The following RAB5B variants were observed in gnomAD, a reference collection of about 807,000 sequenced individuals.
RAB5B encodes ras-related protein Rab-5B.
Under a neutral mutation model 28.6 loss-of-function variants are expected in RAB5B, and 11 were observed. The ratio of observed to expected loss-of-function variants is 0.38; its 90% confidence interval spans 0.24 to 0.64. RAB5B has a LOEUF of 0.64. Ranked by LOEUF, RAB5B falls within the 30% of genes least tolerant of loss-of-function variation. The pLI is 0.53. For synonymous variants in RAB5B, 93 were observed against 97.9 expected (o/e 0.95, Z 0.29); for missense variants, 169 against 265.6 (o/e 0.64, Z 2.53).
chr12:55,980,999 A>G, intron 1 of RAB5B: 1 of 1,614,150 alleles, frequency 6.2e-7, no homozygotes, highest in Admixed American at 1.7e-5. Flanking sequence ...CCCGATCAGC[A>G]GCAACTTGAA....
At chr12:55,977,128 C>T (rs942720552) in intron 1 of RAB5B, among the ~76,000 whole-genome samples, 11 of 152,228 alleles carry the variant, frequency 7.2e-5, no homozygotes, top group Non-Finnish European at 1.6e-4. Context: ...GCGTGCACCA[C>T]CACGACCAGC....
At chr12:55,980,101 A>T (rs1208718955) in intron 1 of RAB5B, among the ~76,000 whole-genome samples, 2 of 152,070 alleles carry the variant, frequency 1.3e-5, no homozygotes, top group African/African-American at 4.8e-5. Context: ...TAACAGAATA[A>T]ATCAGTGTAT....
At chr12:55,990,566 T>A in intron 3 of RAB5B, 116 bp from the exon 4 acceptor site, 2 of 1,285,530 alleles carry the variant, frequency 1.6e-6, no homozygotes, top group Non-Finnish European at 2.2e-6. Flanking sequence ...CAGAGACCTG[T>A]GGTTTCACTG....
intron 1 of RAB5B, among the ~76,000 whole-genome samples, chr12:55,978,396 C>T (rs960388849): frequency 2.0e-5 from 3 of 151,740 alleles, no homozygotes; most frequent in Admixed American, 6.6e-5. Context: ...CCCAGCTTCT[C>T]GGGAGGCTGA....
chr12:55,988,114 A>C (rs971063896), intron 2 of RAB5B, among the ~76,000 whole-genome samples: 2 of 152,098 alleles, frequency 1.3e-5, no homozygotes, highest in Non-Finnish European at 2.9e-5. Flanking sequence ...GCGCCATTGC[A>C]CTCCAGCCTG....
chr12:55,981,155 C>G (rs934339150), intron 1 of RAB5B: 1 of 827,584 alleles, frequency 1.2e-6, no homozygotes, highest in Admixed American at 2.4e-5. Context: ...CCTCTGCCTC[C>G]CAGGTTCAAG....
intron 3 of RAB5B, 120 bp from the exon 4 acceptor site, chr12:55,990,562 C>A (rs1299951434): frequency 1.1e-5 from 14 of 1,241,110 alleles, no homozygotes; most frequent in Non-Finnish European, 1.6e-5. Context: ...TTATCAGAGA[C>A]CTGTGGTTTC....
rs192248641 is a variant in RAB5B, at chr12:55,981,133, G to A, written c.-92-5736G>A. On this transcript the variant is annotated intron_variant, in intron 1 of 5. Transcript: ENST00000360299. ...GGCTGGAGTGCAGTCGTGTGATCTCGGCTCACTGCTACCTCTGCCTCCCAG... is the reference window on the plus strand; with the variant it reads ...GGCTGGAGTGCAGTCGTGTGATCTCAGCTCACTGCTACCTCTGCCTCCCAG... 4.2e-3 allele frequency: 4,218 copies of A among 1,009,062 alleles called. 25 individuals are homozygous for A. Among genetic ancestry groups the A allele is most frequent in the South Asian group, 0.014 (918 of 67,500 alleles). 62.5% of individuals were successfully genotyped at this position (1,009,062 alleles called of 1,614,324 possible).
chr12:55,980,338 C>T (rs758195425), intron 1 of RAB5B: 248 of 1,081,610 alleles, frequency 2.3e-4, no homozygotes, highest in Non-Finnish European at 3.3e-4. Context: ...CTCCAAGCCC[C>T]TCTGCTATTT....
Position 55,986,853 on chromosome 12 carries a change from CTT to C in RAB5B, c.-92-9_-92-8del, listed in dbSNP as rs762516437. ...ATGGACGTATGTTTAATTTTATTCA[CTT>C]TTTTTTCTTGCAGGAGTGTTGAAGC... is the stretch of plus-strand genomic sequence containing the variant. On this transcript the variant is annotated splice_polypyrimidine_tract_variant and intron_variant, in intron 1 of 5. Coordinates refer to ENST00000360299, the MANE Select transcript of RAB5B (RefSeq NM_002868.4). 9.4e-6 allele frequency: 8 copies of C among 851,372 alleles called. No homozygotes were observed. Among genetic ancestry groups the C allele is most frequent in the African/African-American group, 3.4e-5 (2 of 58,330 alleles). 52.7% of individuals were successfully genotyped at this position (851,372 alleles called of 1,614,324 possible). A position where few individuals can be genotyped will look rare whatever the true frequency, so the allele number is the denominator to read the frequency against.
chr12:55,992,677 C>T lies in RAB5B; in HGVS notation c.*465C>T. ...ACCCAGGAACTGAGGAAGGAGGTTT[C>T]CAGTTCATTTACATTAAGGGCCCTG... On this transcript the variant is annotated 3_prime_UTR_variant, in exon 6 of 6. Transcript: ENST00000360299. 2.6e-6 allele frequency: 1 copy of T among 390,602 alleles called. No individual in the cohort carries two copies. Among genetic ancestry groups the T allele is most frequent in the Middle Eastern group, 3.5e-4 (1 of 2,818 alleles). The allele number at this position is 390,602 out of a possible 1,614,324, so 24.2% of individuals were successfully genotyped here.
chr12:55,989,463 C>T (rs536784295), intron 2 of RAB5B, among the ~76,000 whole-genome samples: 4 of 151,376 alleles, frequency 2.6e-5, no homozygotes, highest in South Asian at 2.1e-4. Context: ...TTAGTAGAGA[C>T]GGGTTTTGCC....
At chr12:55,977,274 C>T (rs1381992863) in intron 1 of RAB5B, among the ~76,000 whole-genome samples, 11 of 126,178 alleles carry the variant, frequency 8.7e-5, no homozygotes, top group Non-Finnish European at 1.4e-4. Context: ...CGCGCCTGGC[C>T]GTGTGTGCGT....
rs569704824 is a variant in RAB5B, at chr12:55,989,258, CTT to C, written c.164-686_164-685del. Among the ~76,000 whole-genome samples the C allele has an allele frequency of 1.6e-4, 24 of 151,032 alleles. No homozygotes were observed. In the South Asian group the frequency reaches 5.0e-3, roughly 32 times the overall value. ...CGCCCAGCCAATCCTCTAATTAATT[CTT>C]TTGTTTGTTTGCGTTTGTTTGTTTG... On this transcript the variant is annotated intron_variant, in intron 2 of 5. Coordinates refer to ENST00000360299, the MANE Select transcript of RAB5B (RefSeq NM_002868.4).
intron 1 of RAB5B, among the ~76,000 whole-genome samples, chr12:55,984,376 G>C (rs947726062): frequency 6.6e-6 from 1 of 152,146 alleles, no homozygotes; most frequent in African/African-American, 2.4e-5. Flanking sequence ...TTTTAGTAGA[G>C]ACGGGGTTTC....
Position 55,980,820 on chromosome 12 carries a change from T to C in RAB5B, c.-92-6049T>C. 4 of 1,589,724 alleles carry C rather than the reference T, an allele frequency of 2.5e-6. No homozygotes were observed. The South Asian group carries it at 3.3e-5, about 13-fold the overall frequency. ...CCACGGTAGTAGGCAGTAGTTATTGTCTTGAACCGCTCTTGGCCAGCTGTG... is the reference window on the plus strand; with the variant it reads ...CCACGGTAGTAGGCAGTAGTTATTGCCTTGAACCGCTCTTGGCCAGCTGTG... On this transcript the variant is annotated intron_variant, in intron 1 of 5. Transcript: ENST00000360299.
chr12:55,983,684 G>A (rs1348926589), intron 1 of RAB5B, among the ~76,000 whole-genome samples: 1 of 137,370 alleles, frequency 7.3e-6, no homozygotes, highest in Admixed American at 7.5e-5. Flanking sequence ...TCCAGAGATA[G>A]CGTCTTGTTC....
At chr12:55,975,029 C>A (rs533918196) in intron 1 of RAB5B, among the ~76,000 whole-genome samples, 5 of 152,112 alleles carry the variant, frequency 3.3e-5, no homozygotes, top group Admixed American at 6.5e-5. Context: ...CTTACTGTTT[C>A]ATGTCCTATG....
chr12:55,985,012 T>C (rs1889914768), intron 1 of RAB5B, among the ~76,000 whole-genome samples: 1 of 152,234 alleles, frequency 6.6e-6, no homozygotes, highest in Non-Finnish European at 1.5e-5. Context: ...TATCAAATAC[T>C]TAAAATACTT....
Sources: gnomAD v4.1 joint callset for allele counts (sites outside exome capture counted in the v4.1 genomes callset) on GRCh38, gnomAD v4.1.1 for gene constraint, MANE v1.5 for transcripts, NCBI Gene and HGNC (gene_info 2026-07-23, HGNC 2026-07-21) for gene names.